NFATC2: variants seen among roughly 807,000 people sequenced by gnomAD.
NFATC2 encodes nuclear factor of activated T cells 2, also known as nuclear factor of activated T-cells, cytoplasmic 2.
A neutral mutation model predicts 87.3 loss-of-function variants in NFATC2; 22 were observed. The ratio of observed to expected loss-of-function variants is 0.25; its 90% CI spans 0.18 to 0.36. The LOEUF (loss-of-function observed/expected upper bound fraction) is 0.36. Ranked by LOEUF, NFATC2 falls within the 10% of genes least tolerant of loss-of-function variation. NFATC2 has a pLI of 1.00. For missense variants in NFATC2, 1,149 were observed against 1,259.1 expected, an observed-to-expected ratio of 0.91 and a Z score of 1.32; for synonymous variants, 565 against 542.2, an observed-to-expected ratio of 1.04 and a Z score of -0.58.
At chr20:51,509,124 T>C (rs1348590607) in intron 3 of NFATC2, among the ~76,000 whole-genome samples, 1 of 152,148 alleles carries the variant, frequency 6.6e-6, no homozygotes, top group Non-Finnish European at 1.5e-5. Flanking sequence ...GAGAGGTCCC[T>C]GCAGCTTCCA....
chr20:51,482,237 G>C (rs192969812), intron 3 of NFATC2, among the ~76,000 whole-genome samples: 1 of 151,976 alleles, frequency 6.6e-6, no homozygotes, highest in East Asian at 1.9e-4. Flanking sequence ...GACCCTCAGC[G>C]TCAAAGAGAA....
Position 51,523,590 on chromosome 20 carries a change from C to A in NFATC2, c.651G>T (p.Ser217=), listed in dbSNP as rs578026552. Residue 217 remains serine, a synonymous_variant, in exon 2 of 11, where the codon TCG becomes TCT. Transcript: ENST00000371564. This position sits in a 1 kb window ranked among gnomAD's most constrained non-coding sequence, Gnocchi z 6.9. Reference sequence around the variant, plus strand: ...GGCTGGTTCGAGGTGACATTATTGGCGAGGTTCTGGGGGAATAATGAGCAG... The same window carrying A: ...GGCTGGTTCGAGGTGACATTATTGGAGAGGTTCTGGGGGAATAATGAGCAG... ...NIPAHYSPRT[S]PIMSPRTSLA... 17 of 1,613,758 alleles carry A rather than the reference C, an allele frequency of 1.1e-5. No individual in the cohort carries two copies. The highest frequency in any genetic ancestry group is 9.9e-5 in the South Asian group (9 of 91,072).
intron 5 of NFATC2, among the ~76,000 whole-genome samples, chr20:51,473,495 A>G (rs1190390553): frequency 6.6e-5 from 10 of 152,220 alleles, no homozygotes; most frequent in Admixed American, 6.5e-4. Flanking sequence ...CACTGACACC[A>G]GCTAGCTCCC....
chr20:51,428,919 C>A (rs1227192095), intron 9 of NFATC2, among the ~76,000 whole-genome samples: 1 of 152,228 alleles, frequency 6.6e-6, no homozygotes, highest in Admixed American at 6.5e-5. Context: ...GGGCCCCGTG[C>A]AGCCAAATAT....
intron 1 of NFATC2, among the ~76,000 whole-genome samples, chr20:51,532,349 T>G (rs1301949650): frequency 1.3e-4 from 19 of 151,970 alleles, no homozygotes; most frequent in Admixed American, 1.2e-3. Flanking sequence ...TTATCCTGCA[T>G]CTCAGGAAAG....
chr20:51,490,167 C>T (rs2075858164), intron 3 of NFATC2, among the ~76,000 whole-genome samples: 1 of 152,190 alleles, frequency 6.6e-6, no homozygotes, highest in South Asian at 2.1e-4. Context: ...TGCGTGCTTG[C>T]TAAATACAGG....
At chr20:51,465,113 C>A (rs544366892) in intron 5 of NFATC2, among the ~76,000 whole-genome samples, 1 of 152,192 alleles carries the variant, frequency 6.6e-6, no homozygotes, top group Non-Finnish European at 1.5e-5. Context: ...CACAGCTGGG[C>A]GTGGTGGCTC....
At chr20:51,546,070 C>T (rs1301309626), upstream of NFATC2, among the ~76,000 whole-genome samples, 4 of 152,216 alleles carry the variant, frequency 2.6e-5, no homozygotes, top group East Asian at 7.7e-4. Context: ...CTTCAGATAC[C>T]CAATGATAAA....
At chr20:51,487,894 A>G (rs907299074) in intron 3 of NFATC2, among the ~76,000 whole-genome samples, 1 of 152,028 alleles carries the variant, frequency 6.6e-6, no homozygotes, top group African/African-American at 2.4e-5. Context: ...CTTTCATTTC[A>G]AAGGGTGGGT....
intron 3 of NFATC2, among the ~76,000 whole-genome samples, chr20:51,481,512 T>C (rs1989254033): frequency 6.6e-6 from 1 of 152,120 alleles, no homozygotes; most frequent in South Asian, 2.1e-4. Context: ...AGTTTTCTGC[T>C]TCTTGTAATT....
At chr20:51,424,566 GC>G (rs1406370419) in intron 9 of NFATC2, among the ~76,000 whole-genome samples, 2 of 152,132 alleles carry the variant, frequency 1.3e-5, no homozygotes, top group Non-Finnish European at 2.9e-5. Context: ...ACAAAAGAGG[GC>G]AGTGATGAGG....
At chr20:51,429,452 C>T (rs997531964) in intron 9 of NFATC2, among the ~76,000 whole-genome samples, 11 of 152,246 alleles carry the variant, frequency 7.2e-5, no homozygotes, top group African/African-American at 2.7e-4. Context: ...AATTGAGAAG[C>T]CGGACTATGG....
chr20:51,468,765 G>A (rs1444702230), intron 5 of NFATC2, among the ~76,000 whole-genome samples: 1 of 152,226 alleles, frequency 6.6e-6, no homozygotes, highest in East Asian at 1.9e-4. Flanking sequence ...AGTAAATTGG[G>A]CTGTCAGAGC....
intron 6 of NFATC2, among the ~76,000 whole-genome samples, chr20:51,443,033 CCTT>C (rs1165867812): frequency 6.6e-6 from 1 of 152,158 alleles, no homozygotes; most frequent in East Asian, 1.9e-4. Context: ...GACACACTGG[CCTT>C]CTCTCTCCCT....
Position 51,466,868 on chromosome 20 carries a change from T to A in NFATC2, c.1708+7112A>T, listed in dbSNP as rs1321096005. Among the ~76,000 whole-genome samples, 3 of 152,172 alleles carry A rather than the reference T, an allele frequency of 2.0e-5. No homozygotes were observed. In the East Asian group the frequency reaches 5.8e-4, roughly 29 times the overall value. ...GGGCAGATCGCCTGAGGTCAGGAGT[T>A]CAAGACCAGCCTGGTCAACATGGTG... is the stretch of plus-strand genomic sequence containing the variant. On this transcript the variant is annotated intron_variant, in intron 5 of 10. Transcript: ENST00000371564.
intron 3 of NFATC2, among the ~76,000 whole-genome samples, chr20:51,481,004 G>A (rs2146539098): frequency 6.6e-6 from 1 of 152,290 alleles, no homozygotes; most frequent in East Asian, 1.9e-4. Flanking sequence ...TGCCGGCTTG[G>A]AGTGTCAGAG....
intron 1 of NFATC2, among the ~76,000 whole-genome samples, chr20:51,539,318 A>G (rs927139378): frequency 6.6e-6 from 1 of 152,226 alleles, no homozygotes; most frequent in Non-Finnish European, 1.5e-5. Context: ...CATCTGGGAC[A>G]AAACCTAATA....
intron 6 of NFATC2, among the ~76,000 whole-genome samples, chr20:51,442,703 GT>G (rs1418087682): frequency 1.9e-5 from 2 of 106,970 alleles, no homozygotes; most frequent in African/African-American, 7.1e-5. Flanking sequence ...TTTAAATAAA[GT>G]TTGTTTTTTT....
rs7272990 is a variant in NFATC2, at chr20:51,413,005, C to G, written c.2723-14275G>C. Among the ~76,000 whole-genome samples, 531 of 137,286 alleles carry G rather than the reference C, an allele frequency of 3.9e-3. 16 individuals carry two copies. The East Asian group carries it at 0.043, about 11-fold the overall frequency. The allele number at this position is 137,286 out of a possible 152,430, so 90.1% of individuals were successfully genotyped here. Reference sequence around the variant, plus strand: ...ATCCCCCGCTCCCGCCGCCCCCCCCCCTCCCCGCCAAACACATGGAGCCGA... The same window carrying G: ...ATCCCCCGCTCCCGCCGCCCCCCCCGCTCCCCGCCAAACACATGGAGCCGA... On this transcript the variant is annotated intron_variant, in intron 9 of 10. Coordinates refer to ENST00000371564, the MANE Select transcript of NFATC2 (RefSeq NM_012340.5).
Sources: allele counts gnomAD v4.1 joint callset (sites outside exome capture counted in the v4.1 genomes callset), GRCh38; gene constraint gnomAD v4.1.1; non-coding constraint Gnocchi (gnomAD v3.1); transcripts MANE v1.5; gene names NCBI Gene and HGNC (gene_info 2026-07-23, HGNC 2026-07-21).